PLK4: variants seen among roughly 807,000 people sequenced by gnomAD.
PLK4 encodes polo like kinase 4.
In PLK4, 51 loss-of-function variants were observed where a neutral mutation model predicts 103.0. The ratio of observed to expected loss-of-function variants is 0.50; its 90% confidence interval spans 0.40 to 0.63. The LOEUF (loss-of-function observed/expected upper bound fraction) is 0.63, where lower values mean the gene tolerates loss of function less well. Among genes scored for constraint, PLK4 ranks in the 20% least tolerant of loss-of-function variants. The probability of loss-of-function intolerance (pLI) is 0.00; values close to 1 mark genes in which losing one functional copy is unlikely to be tolerated. For synonymous variants in PLK4, 389 were observed against 376.8 expected, an observed-to-expected ratio of 1.03 and a Z score of -0.38; for missense variants, 1,054 against 1,151.0, an observed-to-expected ratio of 0.92 and a Z score of 1.22.
intron 14 of PLK4, among the ~76,000 whole-genome samples, chr4:127,895,486 A>T (rs1463268230): frequency 8.9e-6 from 1 of 111,878 alleles, no homozygotes; most frequent in Non-Finnish European, 1.6e-5. Flanking sequence ...TTTTTGAGAC[A>T]AAGTCTCACA....
chr4:127,881,420 C>G, intron 1 of PLK4: 1 of 1,401,544 alleles, frequency 7.1e-7, no homozygotes, highest in East Asian at 2.7e-5. Context: ...GGCTTTCTTT[C>G]AGCAATCCCG....
intron 15 of PLK4, among the ~76,000 whole-genome samples, chr4:127,897,499 C>A (rs752323188): frequency 5.3e-5 from 8 of 152,182 alleles, no homozygotes; most frequent in Admixed American, 5.2e-4. Flanking sequence ...CCAATGCAGG[C>A]GTTCTCTTTT....
In PLK4 at chr4:127,883,298, C is replaced by A. The variant is rs762302246; in HGVS notation, c.163C>A (p.Gln55Lys). Residue 55 changes from glutamine (Q) to lysine (K), a missense_variant, in exon 3 of 16, where the codon CAG (glutamine) becomes AAG (lysine). Physicochemically the swap from Gln to Lys is moderately conservative, Grantham distance 53. Transcript: ENST00000270861. ...KKAMYKAGMV[Q>K]RVQNEVKIHC... ...AGCCATGTACAAAGCAGGAATGGTA[C>A]AGAGAGTCCAAAATGAGGTGAAAAT... 1.9e-6 allele frequency: 3 copies of A among 1,598,530 alleles called. No individual in the cohort carries two copies. The highest frequency in any genetic ancestry group is 1.7e-6 in the Non-Finnish European group (2 of 1,166,200).
rs994903561 is a variant in PLK4 at position 127,892,311 on chromosome 4, CTG to C, written c.2039-52_2039-51del. 52 of 1,157,276 alleles carry C rather than the reference CTG, an allele frequency of 4.5e-5. No individual in the cohort carries two copies. The African/African-American group carries it at 6.5e-4, about 14-fold the overall frequency. The allele number at this position is 1,157,276 out of a possible 1,614,324, so 71.7% of individuals were successfully genotyped here. A position where few individuals can be genotyped will look rare whatever the true frequency, so the allele number is the denominator to read the frequency against. On this transcript the variant is annotated intron_variant, in intron 9 of 15. Coordinates refer to ENST00000270861, the MANE Select transcript of PLK4 (RefSeq NM_014264.5). Reference sequence around the variant, plus strand: ...TAGAAATCACAATAAATAGATAAAACTGTATGTCAGGTCAACACTTTCTTCCC... The same window carrying C: ...TAGAAATCACAATAAATAGATAAAACTATGTCAGGTCAACACTTTCTTCCC...
chr4:127,886,152 A>G lies in PLK4; in HGVS notation c.782A>G (p.Asp261Gly), dbSNP rs1331408752. The G allele has an allele frequency of 2.5e-6, 4 of 1,613,966 alleles. No individual in the cohort carries two copies. Among genetic ancestry groups the G allele is most frequent in the Non-Finnish European group, 3.4e-6 (4 of 1,179,936 alleles). ...CGTTTAAGTCTGTCTTCAGTATTGG[A>G]CCATCCTTTTATGTCCCGAAATTCT... ...ADRLSLSSVL[D>G]HPFMSRNSST... Residue 261 changes from aspartate to glycine, a missense_variant, in exon 5 of 16, where the codon GAC becomes GGC. Around this residue, in one of 4 missense-constraint regions of PLK4, gnomAD observed 680 missense variants for 660.3 expected, o/e 1.03. Coordinates refer to ENST00000270861, the MANE Select transcript of PLK4 (RefSeq NM_014264.5).
intron 10 of PLK4, among the ~76,000 whole-genome samples, chr4:127,892,898 C>A (rs926698731): frequency 2.0e-5 from 3 of 152,018 alleles, no homozygotes; most frequent in Non-Finnish European, 4.4e-5. Flanking sequence ...TAAATCTATT[C>A]TGTAAAGATG....
chr4:127,883,118 A>G (rs1000258093), intron 2 of PLK4, 144 bp from the exon 3 acceptor site: 51 of 555,196 alleles, frequency 9.2e-5, no homozygotes, highest in Non-Finnish European at 1.3e-4. Context: ...TGCTAGGTGC[A>G]TGGGGAAAAC....
At chr4:127,894,861 C>G in intron 13 of PLK4, 92 bp from the exon 14 acceptor site, 1 of 782,428 alleles carries the variant, frequency 1.3e-6, no homozygotes, top group Non-Finnish European at 1.9e-6. Context: ...AAAAATTAAG[C>G]TAATGAAAAA....
rs1205871414 is a variant in PLK4 at position 127,893,348 on chromosome 4, C to T, written c.2252C>T (p.Thr751Ile). 2 of 1,605,296 alleles carry T rather than the reference C, an allele frequency of 1.2e-6. No individual in the cohort carries two copies. Among genetic ancestry groups the T allele is most frequent in the Non-Finnish European group, 8.5e-7 (1 of 1,173,690 alleles). ...QVIEKTGKSY[T>I]LKSESEVNSL... ...ATTGAAAAGACAGGGAAGTCTTACA[C>T]TTTAAAAAGTGAAAGTGAAGTTAAT... Residue 751 changes from threonine to isoleucine, a missense_variant, in exon 11 of 16, where the codon ACT (threonine) becomes ATT (isoleucine). By Grantham distance (89) the Thr-to-Ile change is moderately conservative (BLOSUM62 -1). Transcript: ENST00000270861.
At position 127,895,222 on chromosome 4, in the gene PLK4, T is replaced by C. The variant is rs1013300153; in HGVS notation, c.2703+129T>C. 8 of 579,984 alleles carry C rather than the reference T, an allele frequency of 1.4e-5. No individual in the cohort carries two copies. The East Asian group carries it at 2.5e-4, about 18-fold the overall frequency. The allele number at this position is 579,984 out of a possible 1,614,324, so 35.9% of individuals were successfully genotyped here. On this transcript the variant is annotated intron_variant, in intron 14 of 15. Transcript: ENST00000270861. Reference sequence around the variant, plus strand: ...TTTTACAAGGAAGTTTTTGTACCTTTTAACATTGGTTATATCATTAAAAAT... The same window carrying C: ...TTTTACAAGGAAGTTTTTGTACCTTCTAACATTGGTTATATCATTAAAAAT...
chr4:127,898,220 TTC>T (rs548719543), intron 15 of PLK4, among the ~76,000 whole-genome samples: 163 of 152,336 alleles, frequency 1.1e-3, no homozygotes, highest in Admixed American at 2.9e-3. Flanking sequence ...CTAATTTTCC[TTC>T]TGTTACTTAA....
chr4:127,893,565 A>G lies in PLK4; in HGVS notation c.2375A>G (p.Lys792Arg). 6.2e-7 allele frequency: 1 copy of G among 1,613,208 alleles called. No individual in the cohort carries two copies. The highest frequency in any genetic ancestry group is 8.5e-7 in the Non-Finnish European group (1 of 1,179,452). ...TCCATAATTTCAGAAGAGGAAAGGAAAACTAGGAGTGCTCCCTTTTTCCCA... is the reference window on the plus strand; with the variant it reads ...TCCATAATTTCAGAAGAGGAAAGGAGAACTAGGAGTGCTCCCTTTTTCCCA... ...LESIISEEER[K>R]TRSAPFFPII... Residue 792 changes from lysine (K) to arginine (R), a missense_variant, in exon 12 of 16, where the codon AAA becomes AGA. Physicochemically the swap from Lys to Arg is conservative, Grantham distance 26. Transcript: ENST00000270861.
At chr4:127,897,126 C>CT (rs1162686795) in intron 15 of PLK4, among the ~76,000 whole-genome samples, 2 of 152,134 alleles carry the variant, frequency 1.3e-5, no homozygotes, top group Non-Finnish European at 2.9e-5. Flanking sequence ...ATAATCCACT[C>CT]TAAGAGGTTG....
intron 6 of PLK4, 101 bp from the exon 7 acceptor site, chr4:127,889,765 C>CTTTTTTTTTT: frequency 1.2e-6 from 1 of 838,882 alleles, no homozygotes; most frequent in Non-Finnish European, 1.8e-6. Context: ...AACTAGAATT[C>CTTTTTTTTTT]TTTTGTTCAA....
rs892129159 is a variant in PLK4 at position 127,891,567 on chromosome 4, A to G, written c.1936-12A>G. On this transcript the variant is annotated splice_polypyrimidine_tract_variant and intron_variant, in intron 8 of 15. Transcript: ENST00000270861. The stretch of plus-strand genomic sequence containing the variant: ...GGCATGTAATTAGAATTTTAAAAAA[A>G]TCTTTTGGCAGATCACTATTTATTA... 3 of 1,331,232 alleles carry G rather than the reference A, an allele frequency of 2.3e-6. No homozygotes were observed. The highest frequency in any genetic ancestry group is 3.1e-6 in the Non-Finnish European group (3 of 967,216). The allele number at this position is 1,331,232 out of a possible 1,614,324, so 82.5% of individuals were successfully genotyped here.
chr4:127,883,539 T>C lies in PLK4; in HGVS notation c.323T>C (p.Phe108Ser). ...TATCTAAAGAATAGAGTGAAACCCT[T>C]CTCAGAAAATGAAGGTAGGTGTGTG... Reference protein sequence around the residue: ...NRYLKNRVKPFSENEARHFMH... With the variant: ...NRYLKNRVKPSSENEARHFMH... Residue 108 changes from phenylalanine (F) to serine (S), a missense_variant, in exon 4 of 16, where the codon TTC becomes TCC. Transcript: ENST00000270861. 4 of 1,474,222 alleles carry C rather than the reference T, an allele frequency of 2.7e-6. No homozygotes were observed. The highest frequency in any genetic ancestry group is 3.8e-6 in the Non-Finnish European group (4 of 1,060,802). 91.3% of individuals were successfully genotyped at this position (1,474,222 alleles called of 1,614,324 possible). A position where few individuals can be genotyped will look rare whatever the true frequency, so the allele number is the denominator to read the frequency against.
intron 9 of PLK4, 52 bp from the exon 10 acceptor site, chr4:127,892,313 G>A (rs1438270182): frequency 1.7e-6 from 2 of 1,174,598 alleles, no homozygotes; most frequent in Admixed American, 4.7e-5. Flanking sequence ...AGATAAAACT[G>A]TATGTCAGGT....
intron 4 of PLK4, 85 bp downstream of exon 4, chr4:127,883,638 T>A: frequency 1.6e-6 from 1 of 623,958 alleles, no homozygotes; most frequent in Non-Finnish European, 2.9e-6. Flanking sequence ...AATATGCTAT[T>A]TTATAATATA....
intron 14 of PLK4, 37 bp downstream of exon 14, chr4:127,895,130 G>GA (rs1735514908): frequency 1.4e-6 from 2 of 1,423,314 alleles, no homozygotes; most frequent in African/African-American, 2.9e-5. Flanking sequence ...TTCTCAGTAT[G>GA]AATTTCTTTT....
Sources: allele counts gnomAD v4.1 joint callset (sites outside exome capture counted in the v4.1 genomes callset), GRCh38; gene constraint gnomAD v4.1.1; regional missense constraint gnomAD v4.1.1; transcripts MANE v1.5; gene names NCBI Gene and HGNC (gene_info 2026-07-23, HGNC 2026-07-21).